RASGRP1: variants seen among roughly 807,000 people sequenced by gnomAD.
The protein encoded by RASGRP1 is RAS guanyl-releasing protein 1.
A neutral mutation model predicts 95.1 loss-of-function variants in RASGRP1; 37 were observed. The observed-to-expected ratio is 0.39, with a 90% CI of 0.30 to 0.51. The LOEUF (loss-of-function observed/expected upper bound fraction) is 0.51. Among genes scored for constraint, RASGRP1 ranks in the 20% least tolerant of loss-of-function variants. RASGRP1 has a pLI of 0.80. For synonymous variants in RASGRP1, 325 were observed against 353.4 expected (o/e 0.92, Z 0.90); for missense variants, 711 against 965.4 (o/e 0.74, Z 3.49).
chr15:38,499,185 C>A, intron 14 of RASGRP1: 2 of 658,260 alleles, frequency 3.0e-6, no homozygotes, highest in Non-Finnish European at 5.6e-6. Flanking sequence ...ATCCTGATAT[C>A]TTGGAGGGAA....
intron 2 of RASGRP1, among the ~76,000 whole-genome samples, chr15:38,546,231 A>AT (rs978949356): frequency 8.7e-5 from 13 of 148,780 alleles, no homozygotes; most frequent in African/African-American, 2.3e-4. Context: ...TTATTTATTT[A>AT]TTTTTGAGAT....
chr15:38,524,932 T>C (rs1377512074), intron 3 of RASGRP1, among the ~76,000 whole-genome samples: 1 of 150,614 alleles, frequency 6.6e-6, no homozygotes, highest in African/African-American at 2.4e-5. Context: ...CAGCCAGTAG[T>C]GCACTAAGGG....
At chr15:38,514,939 G>A (rs1354917358) in intron 6 of RASGRP1, among the ~76,000 whole-genome samples, 1 of 152,178 alleles carries the variant, frequency 6.6e-6, no homozygotes, top group Admixed American at 6.5e-5. Context: ...TGCCAAATGG[G>A]AACTCCTGAG....
In RASGRP1 at chr15:38,488,372, C is replaced by T. The variant is rs542124647; in HGVS notation, c.*2182G>A. 3 of 148,784 alleles carry T rather than the reference C, an allele frequency of 2.0e-5. No individual in the cohort carries two copies. In the East Asian group the frequency reaches 5.9e-4, roughly 29 times the overall value. The allele number at this position is 148,784 out of a possible 1,614,324, so 9.2% of individuals were successfully genotyped here. A position where few individuals can be genotyped will look rare whatever the true frequency, so the allele number is the denominator to read the frequency against. On this transcript the variant is annotated 3_prime_UTR_variant, in exon 17 of 17. Coordinates refer to ENST00000310803, the MANE Select transcript of RASGRP1 (RefSeq NM_005739.4). ...GTCGTGTGAGATGCAGAAATTTACA[C>T]TAGGCTTGATAAGCCAAAGCCTTTT...
At chr15:38,495,082 AAG>A in intron 15 of RASGRP1, among the ~76,000 whole-genome samples, 2 of 152,300 alleles carry the variant, frequency 1.3e-5, no homozygotes, top group South Asian at 4.1e-4. Flanking sequence ...TCATAAAATA[AAG>A]AGAACAAGAA....
chr15:38,517,155 G>A (rs566520175), intron 5 of RASGRP1, among the ~76,000 whole-genome samples: 4 of 152,108 alleles, frequency 2.6e-5, no homozygotes, highest in African/African-American at 9.7e-5. Context: ...TGGCCAGTGA[G>A]CATATTACAC....
At position 38,564,698 on chromosome 15, in the gene RASGRP1, ACCG is replaced by A; in HGVS notation, c.-73_-71del. On this transcript the variant is annotated 5_prime_UTR_variant, in exon 1 of 17. Transcript: ENST00000310803. ...GGCGCGGCGCATCGCCCCCGCCACC[ACCG>A]CCGCCGCCTGCCGGCTCTCTCCCCC... 3.4e-6 allele frequency: 4 copies of A among 1,166,392 alleles called. No homozygotes were observed. The highest frequency in any genetic ancestry group is 3.8e-5 in the East Asian group (1 of 26,550). 72.3% of individuals were successfully genotyped at this position (1,166,392 alleles called of 1,614,324 possible).
intron 3 of RASGRP1, among the ~76,000 whole-genome samples, chr15:38,523,552 A>G (rs1892080132): frequency 1.3e-5 from 2 of 152,188 alleles, no homozygotes; most frequent in South Asian, 2.1e-4. Context: ...TCAATTTAGT[A>G]TAGCCTAAGT....
intron 2 of RASGRP1, among the ~76,000 whole-genome samples, chr15:38,555,874 T>C (rs138275035): frequency 1.6e-3 from 243 of 152,248 alleles, no homozygotes; most frequent in African/African-American, 5.3e-3. Flanking sequence ...TGTATGTGTG[T>C]TGGGGGGGCC....
chr15:38,547,113 T>G (rs1893133911), intron 2 of RASGRP1, among the ~76,000 whole-genome samples: 1 of 152,250 alleles, frequency 6.6e-6, no homozygotes, highest in Non-Finnish European at 1.5e-5. Flanking sequence ...TACTCATATC[T>G]ACATGTATAC....
chr15:38,492,188 C>T (rs1890610818), intron 16 of RASGRP1, among the ~76,000 whole-genome samples: 1 of 152,164 alleles, frequency 6.6e-6, no homozygotes, highest in South Asian at 2.1e-4. Flanking sequence ...CACGTTTTGC[C>T]ACCTTCTCAT....
chr15:38,521,827 C>T (rs1892013155), intron 3 of RASGRP1, among the ~76,000 whole-genome samples: 1 of 152,116 alleles, frequency 6.6e-6, no homozygotes, highest in African/African-American at 2.4e-5. Flanking sequence ...AATCAGGAGA[C>T]CATCTGAGCT....
Position 38,488,291 on chromosome 15 carries a change from G to A in RASGRP1, c.*2263C>T, listed in dbSNP as rs1297186085. The stretch of plus-strand genomic sequence containing the variant: ...AAAGAAAATGAGAAGTGACCCTGCT[G>A]TTAATACAACAAGATTTGTCCTTGT... On this transcript the variant is annotated 3_prime_UTR_variant, in exon 17 of 17. Transcript: ENST00000310803. 6.6e-6 allele frequency: 1 copy of A among 151,838 alleles called. No homozygotes were observed. Among genetic ancestry groups the A allele is most frequent in the East Asian group, 1.9e-4 (1 of 5,188 alleles). 9.4% of individuals were successfully genotyped at this position (151,838 alleles called of 1,614,324 possible).
intron 2 of RASGRP1, among the ~76,000 whole-genome samples, chr15:38,552,397 G>C (rs1893374639): frequency 6.6e-6 from 1 of 152,162 alleles, no homozygotes; most frequent in South Asian, 2.1e-4. Context: ...CTGTATCTGG[G>C]AAACAGTGGT....
At position 38,511,737 on chromosome 15, in the gene RASGRP1, AG is replaced by A. The variant is rs766858544; in HGVS notation, c.850-18del. 24 of 1,579,742 alleles carry A rather than the reference AG, an allele frequency of 1.5e-5. No homozygotes were observed. The highest frequency in any genetic ancestry group is 9.0e-5 in the East Asian group (4 of 44,646). On this transcript the variant is annotated intron_variant, in intron 7 of 16. Coordinates refer to ENST00000310803, the MANE Select transcript of RASGRP1 (RefSeq NM_005739.4). ...GTGGAGCTTCTGTGACACAGAAGACAGATGACAGCAGAGTCACTGTACATGT... is the reference window on the plus strand; with the variant it reads ...GTGGAGCTTCTGTGACACAGAAGACAATGACAGCAGAGTCACTGTACATGT...
intron 2 of RASGRP1, among the ~76,000 whole-genome samples, chr15:38,530,250 G>A (rs1045289676): frequency 9.2e-5 from 14 of 152,172 alleles, no homozygotes; most frequent in Non-Finnish European, 1.6e-4. Flanking sequence ...GATGATGGCA[G>A]AACACTGAAG....
intron 2 of RASGRP1, among the ~76,000 whole-genome samples, chr15:38,550,375 G>T (rs1893292329): frequency 6.6e-6 from 1 of 151,706 alleles, no homozygotes; most frequent in Admixed American, 6.6e-5. Context: ...ATAAAAAAAA[G>T]TTCACATCAA....
intron 9 of RASGRP1, 71 bp from the exon 10 acceptor site, chr15:38,505,991 C>T (rs1891238195): frequency 7.9e-7 from 1 of 1,271,178 alleles, no homozygotes; most frequent in Non-Finnish European, 1.1e-6. Flanking sequence ...ATGGTTCTTT[C>T]TTGGATTTTC....
intron 2 of RASGRP1, among the ~76,000 whole-genome samples, chr15:38,551,520 A>G (rs185404941): frequency 6.6e-6 from 1 of 152,316 alleles, no homozygotes; most frequent in East Asian, 1.9e-4. Flanking sequence ...AATGTATGAT[A>G]TGGAATTATA....
Sources: gnomAD v4.1 joint callset for allele counts (sites outside exome capture counted in the v4.1 genomes callset) on GRCh38, gnomAD v4.1.1 for gene constraint, MANE v1.5 for transcripts, NCBI Gene and HGNC (gene_info 2026-07-23, HGNC 2026-07-21) for gene names.